FSTL4: variants seen among roughly 807,000 people sequenced by gnomAD.
FSTL4 encodes the protein follistatin like 4.
In FSTL4, 28 loss-of-function variants were observed where a neutral mutation model predicts 78.2. The ratio of observed to expected loss-of-function variants is 0.36; its 90% confidence interval spans 0.27 to 0.49. FSTL4 has a LOEUF of 0.49. FSTL4 is among the 20% of genes least tolerant of loss of function. FSTL4 has a pLI of 0.98. For missense variants in FSTL4, 922 were observed against 1,084.9 expected, an observed-to-expected ratio of 0.85 and a Z score of 2.11; for synonymous variants, 422 against 440.5, an observed-to-expected ratio of 0.96 and a Z score of 0.53.
At chr5:133,581,616 G>A (rs530408283) in intron 2 of FSTL4, among the ~76,000 whole-genome samples, 5 of 152,350 alleles carry the variant, frequency 3.3e-5, no homozygotes, top group African/African-American at 1.2e-4. Flanking sequence ...TTGAGGAGTA[G>A]GTGCTGAGAA....
intron 1 of FSTL4, among the ~76,000 whole-genome samples, chr5:133,604,570 G>C (rs751141203): frequency 3.3e-5 from 5 of 152,234 alleles, no homozygotes; most frequent in Non-Finnish European, 7.4e-5. Flanking sequence ...TTAGCTGGGC[G>C]TGGTAGCAGG....
At chr5:133,210,469 C>CATTATTATTATT (rs72224529) in intron 13 of FSTL4, among the ~76,000 whole-genome samples, 171 bp from the exon 14 acceptor site, 10 of 145,504 alleles carry the variant, frequency 6.9e-5, no homozygotes, top group Admixed American at 1.4e-4. Context: ...TTCTCAGAGG[C>CATTATTATTATT]ATTATTATTA....
At position 133,611,818 on chromosome 5, in the gene FSTL4, C is replaced by A. The variant is rs568686802; in HGVS notation, c.-11+507G>T. On this transcript the variant is annotated intron_variant, in intron 1 of 15. Coordinates refer to ENST00000265342, the MANE Select transcript of FSTL4 (RefSeq NM_015082.2). This position sits in a 1 kb window ranked among gnomAD's most constrained non-coding sequence, Gnocchi z 4.9. ...GGAGACGCAAGTTTCCCCGCAAAGC[C>A]GCGGGGAGGAGGTGCTGAGAATGCC... Among the ~76,000 whole-genome samples, 205 of 152,264 alleles carry A rather than the reference C, an allele frequency of 1.3e-3. No homozygotes were observed. Among genetic ancestry groups the A allele is most frequent in the Non-Finnish European group, 2.6e-3 (174 of 68,008 alleles).
the FSTL4 span, among the ~76,000 whole-genome samples, chr5:133,622,000 A>G: frequency 6.6e-6 from 1 of 152,120 alleles, no homozygotes; most frequent in Non-Finnish European, 1.5e-5. Flanking sequence ...TCCCATCACA[A>G]GAATCCTTTC....
chr5:133,788,409 G>A, the FSTL4 span, among the ~76,000 whole-genome samples: 1 of 152,226 alleles, frequency 6.6e-6, no homozygotes, highest in African/African-American at 2.4e-5. Context: ...CCTGCAAGGT[G>A]AGGCTCACAC....
intron 8 of FSTL4, among the ~76,000 whole-genome samples, chr5:133,229,003 G>C (rs757908045): frequency 6.6e-6 from 1 of 152,146 alleles, no homozygotes; most frequent in Non-Finnish European, 1.5e-5. Context: ...GGTACGTAAC[G>C]AGGCCAGTAC....
At chr5:133,558,832 C>A (rs1759853704) in intron 3 of FSTL4, among the ~76,000 whole-genome samples, 1 of 152,104 alleles carries the variant, frequency 6.6e-6, no homozygotes, top group South Asian at 2.1e-4. Context: ...ACCTTGGAAG[C>A]CCTCACCACA....
chr5:133,805,883 T>A, the FSTL4 span, among the ~76,000 whole-genome samples: 2 of 152,162 alleles, frequency 1.3e-5, no homozygotes, highest in Non-Finnish European at 2.9e-5. Flanking sequence ...AGTGTCATCA[T>A]CTCTATGTGG....
chr5:133,468,894 G>C (rs899181740), intron 3 of FSTL4, among the ~76,000 whole-genome samples: 1 of 152,190 alleles, frequency 6.6e-6, no homozygotes, highest in African/African-American at 2.4e-5. Context: ...AGAGCTGAGA[G>C]GGTGGAGGGG....
Position 133,316,452 on chromosome 5 carries a change from T to G in FSTL4, c.603+7A>C. 1 of 1,609,988 alleles carries G rather than the reference T, an allele frequency of 6.2e-7. No individual in the cohort carries two copies. The highest frequency in any genetic ancestry group is 1.7e-5 in the Admixed American group (1 of 59,760). The stretch of plus-strand genomic sequence containing the variant: ...ATCATGTGACTTTCACTGAACACGA[T>G]GCCCACCTGAGCCAGTTCGGAGCTG... On this transcript the variant is annotated splice_region_variant and intron_variant, in intron 5 of 15. Coordinates refer to ENST00000265342, the MANE Select transcript of FSTL4 (RefSeq NM_015082.2).
At chr5:133,558,237 G>A (rs78906549) in intron 3 of FSTL4, among the ~76,000 whole-genome samples, 7 of 152,262 alleles carry the variant, frequency 4.6e-5, no homozygotes, top group East Asian at 1.9e-4. Context: ...TCTGAGAATC[G>A]TATTCACCTT....
chr5:133,780,473 A>G, the FSTL4 span, among the ~76,000 whole-genome samples: 3 of 144,414 alleles, frequency 2.1e-5, no homozygotes, highest in East Asian at 6.1e-4. Context: ...GAAATGATCC[A>G]AGCAAATCAG....
intron 15 of FSTL4, among the ~76,000 whole-genome samples, chr5:133,200,565 G>C (rs1379339076): frequency 6.6e-6 from 1 of 152,212 alleles, no homozygotes; most frequent in Non-Finnish European, 1.5e-5. Flanking sequence ...TGATCTAAGA[G>C]GGAACTTTAG....
chr5:133,671,495 A>G, the FSTL4 span, among the ~76,000 whole-genome samples: 30 of 152,358 alleles, frequency 2.0e-4, no homozygotes, highest in East Asian at 4.8e-3. Context: ...TCAGTGCCAT[A>G]AAGAAATAGC....
chr5:133,642,852 A>G, the FSTL4 span, among the ~76,000 whole-genome samples: 9 of 152,344 alleles, frequency 5.9e-5, no homozygotes, highest in South Asian at 1.4e-3. Flanking sequence ...AAGAAATCAC[A>G]GGGGTATTAC....
intron 2 of FSTL4, among the ~76,000 whole-genome samples, chr5:133,594,662 A>G (rs1760705633): frequency 6.6e-6 from 1 of 152,238 alleles, no homozygotes; most frequent in South Asian, 2.1e-4. Context: ...GCATCCCCAC[A>G]TGAAAGCCTA....
intron 6 of FSTL4, among the ~76,000 whole-genome samples, chr5:133,258,560 C>T (rs1014321232): frequency 6.6e-6 from 1 of 152,194 alleles, no homozygotes; most frequent in Non-Finnish European, 1.5e-5. Flanking sequence ...AAGACATATA[C>T]ATCTTCTGTT....
chr5:133,750,828 C>A, the FSTL4 span, among the ~76,000 whole-genome samples: 9 of 152,066 alleles, frequency 5.9e-5, no homozygotes, highest in Non-Finnish European at 1.0e-4. Flanking sequence ...GGCTGGGGCA[C>A]AAAACACCCC....
the FSTL4 span, among the ~76,000 whole-genome samples, chr5:133,829,122 C>CCT: frequency 6.6e-6 from 1 of 152,180 alleles, no homozygotes; most frequent in Non-Finnish European, 1.5e-5. Flanking sequence ...TGGCATGGTG[C>CCT]CTCACGCCTG....
Sources: allele counts gnomAD v4.1 joint callset (sites outside exome capture counted in the v4.1 genomes callset), GRCh38; gene constraint gnomAD v4.1.1; non-coding constraint Gnocchi (gnomAD v3.1); transcripts MANE v1.5; gene names NCBI Gene and HGNC (gene_info 2026-07-23, HGNC 2026-07-21).